SERPINB5: variants seen among roughly 807,000 people sequenced by gnomAD.
SERPINB5 encodes the protein serpin B5.
In SERPINB5, 27 loss-of-function variants were observed where a neutral mutation model predicts 32.2. That is an observed-to-expected ratio of 0.84 (90% confidence interval 0.62 to 1.16). The LOEUF (loss-of-function observed/expected upper bound fraction) is 1.16. Among genes scored for constraint, SERPINB5 ranks in the 50% most tolerant of loss-of-function variants. The pLI is 0.00. For synonymous variants in SERPINB5, 154 were observed against 157.4 expected (o/e 0.98, Z 0.16); for missense variants, 388 against 436.3 (o/e 0.89, Z 0.99).
Position 63,486,935 on chromosome 18 carries a change from T to C in SERPINB5, c.169-11T>C, listed in dbSNP as rs1470931039. ...CAATGCTTTTTGGGTAACGGATTTT[T>C]CTCTTAACAGGTTCTTCATTTTGAA... On this transcript the variant is annotated splice_polypyrimidine_tract_variant and intron_variant, in intron 2 of 6. Coordinates refer to ENST00000382771, the MANE Select transcript of SERPINB5 (RefSeq NM_002639.5). 1.2e-6 allele frequency: 2 copies of C among 1,613,584 alleles called. No homozygotes were observed. Among genetic ancestry groups the C allele is most frequent in the Non-Finnish European group, 1.7e-6 (2 of 1,179,808 alleles).
intron 1 of SERPINB5, among the ~76,000 whole-genome samples, chr18:63,480,524 C>G (rs890772384): frequency 1.2e-4 from 18 of 152,218 alleles, no homozygotes; most frequent in Non-Finnish European, 2.5e-4. Flanking sequence ...TTGCTAATCT[C>G]TACTCTGGTA....
chr18:63,493,311 G>A (rs1269782256), intron 5 of SERPINB5: 1 of 623,652 alleles, frequency 1.6e-6, no homozygotes, highest in East Asian at 2.7e-5. Flanking sequence ...TCAAGGATCT[G>A]AGCTGAGTGA....
intron 5 of SERPINB5, among the ~76,000 whole-genome samples, chr18:63,494,867 A>G (rs1167306861): frequency 1.3e-5 from 2 of 152,188 alleles, no homozygotes; most frequent in Non-Finnish European, 2.9e-5. Flanking sequence ...AGTGTCTACA[A>G]TTTCTGGCCA....
At chr18:63,493,996 A>C (rs771174820) in intron 5 of SERPINB5, among the ~76,000 whole-genome samples, 2 of 152,184 alleles carry the variant, frequency 1.3e-5, no homozygotes, top group African/African-American at 4.8e-5. Flanking sequence ...TTTGCAGGCC[A>C]GTCTCATTGA....
intron 5 of SERPINB5, chr18:63,493,829 T>G (rs1205210351): frequency 6.5e-6 from 1 of 153,380 alleles, no homozygotes; most frequent in Non-Finnish European, 1.4e-5. Flanking sequence ...GCACTCCAGC[T>G]TGGGCAACAA....
chr18:63,494,545 G>A (rs936294845), intron 5 of SERPINB5, among the ~76,000 whole-genome samples: 7 of 152,090 alleles, frequency 4.6e-5, no homozygotes, highest in Non-Finnish European at 7.4e-5. Flanking sequence ...TAGCTCCTAC[G>A]CGTCAGTTCT....
At chr18:63,492,548 TG>T (rs1156295340) in intron 4 of SERPINB5, among the ~76,000 whole-genome samples, 1 of 152,270 alleles carries the variant, frequency 6.6e-6, no homozygotes, top group East Asian at 1.9e-4. Flanking sequence ...CTTTGAATCC[TG>T]AATCCACCCT....
chr18:63,498,603 A>G lies in SERPINB5; in HGVS notation c.568-517A>G, dbSNP rs1049487478. Among the ~76,000 whole-genome samples the G allele has an allele frequency of 6.6e-5, 10 of 152,178 alleles. No individual in the cohort carries two copies. Among genetic ancestry groups the G allele is most frequent in the Admixed American group, 3.9e-4 (6 of 15,270 alleles). ...ATACTTCATGTAATGTGTAACATGT[A>G]GATTATAAAGTATATGAATAACTTT... On this transcript the variant is annotated intron_variant, in intron 5 of 6. Coordinates refer to ENST00000382771, the MANE Select transcript of SERPINB5 (RefSeq NM_002639.5). This position sits in a 1 kb window ranked among gnomAD's most constrained non-coding sequence, Gnocchi z 4.2.
chr18:63,492,930 G>T, intron 4 of SERPINB5, 23 bp from the exon 5 acceptor site: 2 of 1,601,864 alleles, frequency 1.2e-6, no homozygotes, highest in Non-Finnish European at 1.7e-6. Context: ...TCTGCTACTT[G>T]TGTTTTCCTA....
At position 63,499,134 on chromosome 18, in the gene SERPINB5, A is replaced by G; in HGVS notation, c.582A>G (p.Pro194=). The G allele has an allele frequency of 6.4e-7, 1 of 1,554,738 alleles. No individual in the cohort carries two copies. The highest frequency in any genetic ancestry group is 1.3e-5 in the South Asian group (1 of 79,746). Residue 194 remains proline (P), a synonymous_variant, in exon 6 of 7, where the codon CCA becomes CCG. Coordinates refer to ENST00000382771, the MANE Select transcript of SERPINB5 (RefSeq NM_002639.5). ...CCCTTTTACAGACAGACACCAAACC[A>G]GTGCAGATGATGAACATGGAGGCCA... ...PFRVNKTDTK[P]VQMMNMEATF...
Position 63,499,109 on chromosome 18 carries a change from C to A in SERPINB5, c.568-11C>A. The A allele has an allele frequency of 6.9e-7, 1 of 1,456,482 alleles. No homozygotes were observed. Among genetic ancestry groups the A allele is most frequent in the South Asian group, 1.7e-5 (1 of 60,532 alleles). 90.2% of individuals were successfully genotyped at this position (1,456,482 alleles called of 1,614,324 possible). ...TTGAAAAGTAAGCAGTCCAAATTTT[C>A]CCTTTTACAGACAGACACCAAACCA... On this transcript the variant is annotated splice_polypyrimidine_tract_variant and intron_variant, in intron 5 of 6. Coordinates refer to ENST00000382771, the MANE Select transcript of SERPINB5 (RefSeq NM_002639.5).
chr18:63,479,802 C>T (rs764234518), intron 1 of SERPINB5, among the ~76,000 whole-genome samples: 9 of 152,160 alleles, frequency 5.9e-5, no homozygotes, highest in Admixed American at 3.3e-4. Context: ...GAGTTTACAA[C>T]ATAAGTGGCA....
chr18:63,484,739 A>ATTTTTTTTTT (rs1474564506), intron 2 of SERPINB5, 143 bp downstream of exon 2: 80 of 144,752 alleles, frequency 5.5e-4, no homozygotes, highest in Non-Finnish European at 7.3e-4. Flanking sequence ...GACTCTCTTA[A>ATTTTTTTTTT]TCTTTTTTTT....
At chr18:63,477,450 C>T (rs926725212) in intron 1 of SERPINB5, among the ~76,000 whole-genome samples, 1 of 152,106 alleles carries the variant, frequency 6.6e-6, no homozygotes, top group African/African-American at 2.4e-5. Context: ...GTGTGGTACC[C>T]GCAAACTGGG....
At chr18:63,484,706 G>T in intron 2 of SERPINB5, 110 bp downstream of exon 2, 5 of 535,584 alleles carry the variant, frequency 9.3e-6, no homozygotes, top group South Asian at 2.4e-5. Flanking sequence ...AATTGGTCAA[G>T]ATTCAGAACT....
rs2289519 is a variant in SERPINB5 at position 63,493,054 on chromosome 18, T to C, written c.526T>C (p.Ser176Pro). 1,108,942 of 1,613,908 alleles carry C rather than the reference T, an allele frequency of 0.69. 383,085 individuals carry two copies. The highest frequency in any genetic ancestry group is 0.85 in the African/African-American group (63,733 of 74,976). The change falls in exon 5 of 7, where the codon TCT becomes CCT. Residue 176 changes from serine to proline, a missense_variant. By Grantham distance (74) the Ser-to-Pro change is moderately conservative. Transcript: ENST00000382771. ...YFVGKWMKKFSESETKECPFR... is the reference protein window; with the variant it reads ...YFVGKWMKKFPESETKECPFR... ...TGTTGGCAAGTGGATGAAGAAATTTTCTGAATCAGAAACAAAAGAATGTCC... is the reference window on the plus strand; with the variant it reads ...TGTTGGCAAGTGGATGAAGAAATTTCCTGAATCAGAAACAAAAGAATGTCC...
At chr18:63,482,402 G>T (rs1483039188) in intron 1 of SERPINB5, among the ~76,000 whole-genome samples, 3 of 152,144 alleles carry the variant, frequency 2.0e-5, no homozygotes, top group African/African-American at 7.2e-5. Context: ...GTCACATTCG[G>T]CCCTTGTGTC....
chr18:63,479,685 C>T (rs1440840490), intron 1 of SERPINB5, among the ~76,000 whole-genome samples: 1 of 152,128 alleles, frequency 6.6e-6, no homozygotes, highest in Non-Finnish European at 1.5e-5. Flanking sequence ...TAACTGACAG[C>T]TCCTTGGAGG....
rs1311861070 is a variant in SERPINB5, at chr18:63,498,441, A to G, written c.568-679A>G. On this transcript the variant is annotated intron_variant, in intron 5 of 6. Transcript: ENST00000382771. The surrounding 1 kb of genome is among the most constrained non-coding windows in gnomAD (Gnocchi z 4.2). ...AATGGTTATGTGGGTTTGCAGTAGA[A>G]TTTACTTTCAAGTCAGCTCCACCAG... Among the ~76,000 whole-genome samples, 1 of 152,136 alleles carries G rather than the reference A, an allele frequency of 6.6e-6. No individual in the cohort carries two copies. The highest frequency in any genetic ancestry group is 1.5e-5 in the Non-Finnish European group (1 of 68,024).
Sources: allele counts gnomAD v4.1 joint callset (sites outside exome capture counted in the v4.1 genomes callset), GRCh38; gene constraint gnomAD v4.1.1; non-coding constraint Gnocchi (gnomAD v3.1); transcripts MANE v1.5; gene names NCBI Gene and HGNC (gene_info 2026-07-23, HGNC 2026-07-21).